BAZ1A: variants seen among roughly 807,000 people sequenced by gnomAD.
The protein encoded by BAZ1A is bromodomain adjacent to zinc finger domain protein 1A.
Under a neutral mutation model 185.2 loss-of-function variants are expected in BAZ1A, and 50 were observed. The ratio of observed to expected loss-of-function variants is 0.27; its 90% CI spans 0.22 to 0.34. The LOEUF is 0.34. Among genes scored for constraint, BAZ1A ranks in the 10% least tolerant of loss-of-function variants. The pLI, the probability that BAZ1A is intolerant of heterozygous loss-of-function variation, is 1.00. For missense variants in BAZ1A, 1,356 were observed against 1,839.9 expected, an observed-to-expected ratio of 0.74 and a Z score of 4.81; for synonymous variants, 571 against 615.6, an observed-to-expected ratio of 0.93 and a Z score of 1.07.
At chr14:34,866,565 C>T (rs943888919) in intron 2 of BAZ1A, among the ~76,000 whole-genome samples, 1 of 149,452 alleles carries the variant, frequency 6.7e-6, no homozygotes, top group East Asian at 2.0e-4. Flanking sequence ...CTTCTCAAAC[C>T]AGTACATAGT....
At position 34,775,210 on chromosome 14, in the gene BAZ1A, C is replaced by CA. The variant is rs368859594; in HGVS notation, c.2833+708dup. ...GCGAAATTCTGTCTCAAACAAAAAACAAAAAAAAACCCCAATAATTGTGAT... is the reference window on the plus strand; with the variant it reads ...GCGAAATTCTGTCTCAAACAAAAAACAAAAAAAAAACCCCAATAATTGTGAT... On this transcript the variant is annotated intron_variant, in intron 18 of 26. Coordinates refer to ENST00000360310, the MANE Select transcript of BAZ1A (RefSeq NM_013448.3). Among the ~76,000 whole-genome samples the CA allele has an allele frequency of 7.2e-3, 1,080 of 149,664 alleles. 17 individuals are homozygous for CA. The highest frequency in any genetic ancestry group is 0.025 in the African/African-American group (1,015 of 40,808).
Position 34,756,464 on chromosome 14 carries a change from C to CTTTTTTTTTTTTTTTT in BAZ1A, c.4387-1551_4387-1550insAAAAAAAAAAAAAAAA, listed in dbSNP as rs1343693112. The stretch of plus-strand genomic sequence containing the variant: ...GACACACTGCACCCAGCCAGAATAC[C>CTTTTTTTTTTTTTTTT]TATTTTTTTTTTTTTTTTTTTTTTT... On this transcript the variant is annotated intron_variant, in intron 25 of 26. Transcript: ENST00000360310. Among the ~76,000 whole-genome samples, 4 of 107,168 alleles carry CTTTTTTTTTTTTTTTT rather than the reference C, an allele frequency of 3.7e-5. 1 individual carries two copies. The highest frequency in any genetic ancestry group is 5.4e-5 in the Non-Finnish European group (3 of 55,368). The allele number at this position is 107,168 out of a possible 152,430, so 70.3% of individuals were successfully genotyped here.
At chr14:34,754,384 A>ACT (rs1275237809) in intron 26 of BAZ1A, among the ~76,000 whole-genome samples, 4 of 147,936 alleles carry the variant, frequency 2.7e-5, no homozygotes, top group African/African-American at 1.0e-4. Flanking sequence ...TTGCCTCTGC[A>ACT]CTCCAGCCTG....
At chr14:34,797,742 A>G (rs967465448) in intron 9 of BAZ1A, among the ~76,000 whole-genome samples, 1 of 152,184 alleles carries the variant, frequency 6.6e-6, no homozygotes, top group Non-Finnish European at 1.5e-5. Context: ...AGCGTGATCA[A>G]TGCAGAAGAC....
chr14:34,846,780 G>A (rs925629590), intron 3 of BAZ1A, among the ~76,000 whole-genome samples: 3 of 152,122 alleles, frequency 2.0e-5, no homozygotes, highest in South Asian at 2.1e-4. Context: ...CAAACCTAAC[G>A]ATATGTACCT....
intron 24 of BAZ1A, among the ~76,000 whole-genome samples, chr14:34,761,170 G>A (rs901065451): frequency 6.6e-6 from 1 of 151,978 alleles, no homozygotes; most frequent in Non-Finnish European, 1.5e-5. Flanking sequence ...CCTGCTACTC[G>A]AGAGGCTGAG....
At chr14:34,783,418 T>C (rs1222603262) in intron 15 of BAZ1A, among the ~76,000 whole-genome samples, 186 bp from the exon 16 acceptor site, 1 of 148,096 alleles carries the variant, frequency 6.8e-6, no homozygotes, top group Non-Finnish European at 1.5e-5. Context: ...CCCAGGCTGA[T>C]CCTGCTTCCC....
At chr14:34,757,680 AC>A (rs2138528086) in intron 25 of BAZ1A, among the ~76,000 whole-genome samples, 1 of 150,316 alleles carries the variant, frequency 6.7e-6, no homozygotes, top group East Asian at 2.0e-4. Flanking sequence ...AAAAACAAAA[AC>A]AACAAAAAAA....
intron 3 of BAZ1A, among the ~76,000 whole-genome samples, chr14:34,849,511 C>T (rs2042565245): frequency 6.6e-6 from 1 of 151,940 alleles, no homozygotes; most frequent in South Asian, 2.1e-4. Flanking sequence ...TTCTCTGATA[C>T]ATGAATCTTT....
chr14:34,784,834 C>T (rs915424695), intron 14 of BAZ1A, among the ~76,000 whole-genome samples: 9 of 150,290 alleles, frequency 6.0e-5, no homozygotes, highest in Non-Finnish European at 1.2e-4. Flanking sequence ...AAATATGGAA[C>T]GCTTCACGAA....
At chr14:34,864,653 G>C (rs1292928996) in intron 2 of BAZ1A, among the ~76,000 whole-genome samples, 1 of 149,326 alleles carries the variant, frequency 6.7e-6, no homozygotes, top group Non-Finnish European at 1.5e-5. Flanking sequence ...GCTAATTTTT[G>C]TATTTTTAGT....
At chr14:34,801,403 T>A (rs1420575517) in intron 7 of BAZ1A, among the ~76,000 whole-genome samples, 1 of 152,146 alleles carries the variant, frequency 6.6e-6, no homozygotes, top group Admixed American at 6.5e-5. Context: ...GTGATTCTTC[T>A]CCCTCAGCCT....
chr14:34,834,217 G>A (rs1199216105), intron 3 of BAZ1A, among the ~76,000 whole-genome samples: 1 of 152,214 alleles, frequency 6.6e-6, no homozygotes, highest in African/African-American at 2.4e-5. Flanking sequence ...CTTCTGGGAA[G>A]TAATGAAGGA....
At chr14:34,845,593 G>A (rs1463136560) in intron 3 of BAZ1A, among the ~76,000 whole-genome samples, 1 of 152,124 alleles carries the variant, frequency 6.6e-6, no homozygotes, top group Non-Finnish European at 1.5e-5. Context: ...GGGCGCAGTG[G>A]CTCACGCCTG....
At chr14:34,769,898 CAT>C (rs1436456291) in intron 21 of BAZ1A, among the ~76,000 whole-genome samples, 1 of 152,170 alleles carries the variant, frequency 6.6e-6, no homozygotes, top group African/African-American at 2.4e-5. Context: ...ATAAAAGTGA[CAT>C]AGCAAATACC....
chr14:34,783,650 C>T (rs1880203204), intron 15 of BAZ1A, 112 bp downstream of exon 15: 1 of 1,358,752 alleles, frequency 7.4e-7, no homozygotes, highest in East Asian at 2.4e-5. Context: ...CTTAGTAAAG[C>T]CATCAAACAT....
chr14:34,785,913 T>G lies in BAZ1A; in HGVS notation c.1695A>C (p.Thr565=). ...GATATCTATACTTTGCATTTGCTGA[T>G]GTTACATCAGCACCTGAAGCTAAGA... ...LHILASGADV[T]SANAKYRYQK... Residue 565 remains threonine (T), a synonymous_variant, in exon 14 of 27, where the codon ACA becomes ACC. Coordinates refer to ENST00000360310, the MANE Select transcript of BAZ1A (RefSeq NM_013448.3). 6.2e-7 allele frequency: 1 copy of G among 1,614,148 alleles called. No individual in the cohort carries two copies. Among genetic ancestry groups the G allele is most frequent in the Non-Finnish European group, 8.5e-7 (1 of 1,180,030 alleles).
chr14:34,860,082 C>A (rs2042743513), intron 3 of BAZ1A, among the ~76,000 whole-genome samples: 1 of 152,178 alleles, frequency 6.6e-6, no homozygotes, highest in East Asian at 1.9e-4. Flanking sequence ...TAACCCAATT[C>A]TATGCTTAAT....
chr14:34,810,815 T>C, intron 5 of BAZ1A, 120 bp downstream of exon 5: 1 of 735,212 alleles, frequency 1.4e-6, no homozygotes, highest in Non-Finnish European at 2.3e-6. Flanking sequence ...TAAATGTACA[T>C]TTATTTTTAA....
Sources: allele counts gnomAD v4.1 joint callset (sites outside exome capture counted in the v4.1 genomes callset), GRCh38; gene constraint gnomAD v4.1.1; transcripts MANE v1.5; gene names NCBI Gene and HGNC (gene_info 2026-07-23, HGNC 2026-07-21).